The following RAPGEF2 variants were observed in gnomAD, a reference collection of about 807,000 sequenced individuals.
The protein encoded by RAPGEF2 is PDZ domain containing guanine nucleotide exchange factor (GEF) 1.
In RAPGEF2, 54 loss-of-function variants were observed where a neutral mutation model predicts 186.7. The ratio of observed to expected loss-of-function variants is 0.29; its 90% CI spans 0.23 to 0.36. The LOEUF (loss-of-function observed/expected upper bound fraction) is 0.36, where lower values mean the gene tolerates loss of function less well. RAPGEF2 is among the 10% of genes least tolerant of loss of function. The pLI, the probability that RAPGEF2 is intolerant of heterozygous loss-of-function variation, is 1.00. For synonymous variants in RAPGEF2, 712 were observed against 705.9 expected, an observed-to-expected ratio of 1.01 and a Z score of -0.14; for missense variants, 1,532 against 2,045.0, an observed-to-expected ratio of 0.75 and a Z score of 4.84.
chr4:159,294,695 C>CTTCT, intron 7 of RAPGEF2, among the ~76,000 whole-genome samples: 1 of 146,822 alleles, frequency 6.8e-6, no homozygotes, highest in East Asian at 2.0e-4. Context: ...TCCTTCTTTC[C>CTTCT]GTCCGTCTGT....
At position 159,353,554 on chromosome 4, in the gene RAPGEF2, A is replaced by G; in HGVS notation, c.4159A>G (p.Thr1387Ala). Reference protein sequence around the residue: ...ATATVISSPSTEELSQDQGDR... With the variant: ...ATATVISSPSAEELSQDQGDR... The stretch of plus-strand genomic sequence containing the variant: ...AGCTACAGTAATTTCTTCTCCAAGC[A>G]CAGAGGAACTTTCCCAGGATCAGGG... The change falls in exon 28 of 30, where the codon ACA (threonine) becomes GCA (alanine). Residue 1387 changes from threonine to alanine, a missense_variant. Thr to Ala is a moderately conservative substitution (Grantham distance 58). Coordinates refer to ENST00000691494, the MANE Select transcript of RAPGEF2 (RefSeq NM_001394067.2). This position sits in a 1 kb window ranked among gnomAD's most constrained non-coding sequence, Gnocchi z 4.3. 6.4e-7 allele frequency: 1 copy of G among 1,560,554 alleles called. No individual in the cohort carries two copies. Among genetic ancestry groups the G allele is most frequent in the Admixed American group, 2.0e-5 (1 of 50,342 alleles).
chr4:159,284,493 CACACACA>C (rs1760175223), intron 7 of RAPGEF2, among the ~76,000 whole-genome samples: 1 of 29,950 alleles, frequency 3.3e-5, no homozygotes, highest in African/African-American at 1.8e-4. Context: ...CACACACACA[CACACACA>C]CACACACACA....
intron 1 of RAPGEF2, among the ~76,000 whole-genome samples, chr4:159,124,097 T>C (rs1740021804): frequency 6.6e-6 from 1 of 151,864 alleles, no homozygotes; most frequent in Admixed American, 6.6e-5. Flanking sequence ...TCAGGTGATC[T>C]GCCTGCCTCC....
At chr4:159,214,605 A>T (rs1750832534) in intron 4 of RAPGEF2, among the ~76,000 whole-genome samples, 1 of 152,210 alleles carries the variant, frequency 6.6e-6, no homozygotes, top group South Asian at 2.1e-4. Flanking sequence ...GATGAAGCTT[A>T]TTTCCTAATA....
chr4:159,116,497 G>A (rs1739066665), intron 1 of RAPGEF2, among the ~76,000 whole-genome samples: 1 of 152,212 alleles, frequency 6.6e-6, no homozygotes. Context: ...GGAAGACGGT[G>A]TGGTGATTCC....
At chr4:159,333,430 A>G (rs1027324602) in intron 17 of RAPGEF2, among the ~76,000 whole-genome samples, 2 of 152,098 alleles carry the variant, frequency 1.3e-5, no homozygotes, top group Non-Finnish European at 2.9e-5. Context: ...TCCAGTTGCC[A>G]TTATTCATCC....
At chr4:159,335,314 C>T (rs1240535513) in intron 17 of RAPGEF2, among the ~76,000 whole-genome samples, 2 of 152,144 alleles carry the variant, frequency 1.3e-5, no homozygotes, top group Non-Finnish European at 2.9e-5. Flanking sequence ...AGTAAGTCAG[C>T]ACACTATAAA....
intron 28 of RAPGEF2, among the ~76,000 whole-genome samples, chr4:159,355,537 A>C (rs1731848857): frequency 6.6e-6 from 1 of 151,752 alleles, no homozygotes; most frequent in Non-Finnish European, 1.5e-5. Context: ...TCCAGGGGTT[A>C]GGTTTTAATC....
chr4:159,332,534 G>T lies in RAPGEF2; in HGVS notation c.1972G>T (p.Ala658Ser). 5 of 1,614,108 alleles carry T rather than the reference G, an allele frequency of 3.1e-6. No homozygotes were observed. The highest frequency in any genetic ancestry group is 4.2e-6 in the Non-Finnish European group (5 of 1,180,026). Residue 658 changes from alanine to serine, a missense_variant, in exon 17 of 30, where the codon GCC becomes TCC. Coordinates refer to ENST00000691494, the MANE Select transcript of RAPGEF2 (RefSeq NM_001394067.2). The stretch of plus-strand genomic sequence containing the variant: ...TCCTAAAATTGGTGACATTAAAAAG[G>T]CCAGTCGCTACTCCATTCCAGATCT... ...HLPKIGDIKK[A>S]SRYSIPDLAV...
At chr4:159,151,331 C>T (rs1743512682) in intron 1 of RAPGEF2, among the ~76,000 whole-genome samples, 1 of 152,148 alleles carries the variant, frequency 6.6e-6, no homozygotes, top group South Asian at 2.1e-4. Flanking sequence ...TGCAGGTCAG[C>T]TGAGTTGGTA....
chr4:159,226,678 C>T (rs1752066737), intron 4 of RAPGEF2, among the ~76,000 whole-genome samples: 1 of 152,174 alleles, frequency 6.6e-6, no homozygotes, highest in East Asian at 1.9e-4. Context: ...TTTTAGTGTA[C>T]AGATCATACA....
chr4:159,288,531 A>G lies in RAPGEF2; in HGVS notation c.544-15811A>G, dbSNP rs1028610816. On this transcript the variant is annotated intron_variant, in intron 7 of 29. Coordinates refer to ENST00000691494, the MANE Select transcript of RAPGEF2 (RefSeq NM_001394067.2). ...CTTCCATTCTAACCCCTTACAAGCC[A>G]TTTTCCCCACCCCCTGCCAGAATGA... Among the ~76,000 whole-genome samples the G allele has an allele frequency of 2.0e-4, 30 of 151,968 alleles. 1 individual carries two copies. The highest frequency in any genetic ancestry group is 1.8e-3 in the Admixed American group (28 of 15,262).
intron 23 of RAPGEF2, 133 bp from the exon 24 acceptor site, chr4:159,344,973 T>A (rs963041044): frequency 3.0e-6 from 2 of 675,196 alleles, no homozygotes; most frequent in Non-Finnish European, 5.1e-6. Context: ...TATTCCTGTG[T>A]AACAGTTTAC....
chr4:159,188,829 A>C (rs1747819329), intron 2 of RAPGEF2, among the ~76,000 whole-genome samples: 1 of 152,220 alleles, frequency 6.6e-6, no homozygotes, highest in Non-Finnish European at 1.5e-5. Context: ...TTTACACCTT[A>C]GAATGTCTAT....
chr4:159,149,342 C>CCTCTGCCTCTGGCTTCAAGCAATT (rs1743286937), intron 1 of RAPGEF2, among the ~76,000 whole-genome samples: 1 of 152,102 alleles, frequency 6.6e-6, no homozygotes, highest in Admixed American at 6.5e-5. Context: ...CTCATTGCAA[C>CCTCTGCCTCTGGCTTCAAGCAATT]CTCTGCCTCT....
At chr4:159,209,658 G>A (rs1002039943) in intron 3 of RAPGEF2, among the ~76,000 whole-genome samples, 1 of 152,168 alleles carries the variant, frequency 6.6e-6, no homozygotes, top group Non-Finnish European at 1.5e-5. Flanking sequence ...AACTATATTA[G>A]TAAGGTTGTG....
chr4:159,288,888 TGGATCCTTTGTA>T (rs1406361259), intron 7 of RAPGEF2, among the ~76,000 whole-genome samples: 3 of 152,172 alleles, frequency 2.0e-5, no homozygotes, highest in Non-Finnish European at 4.4e-5. Flanking sequence ...CATCTTTGGC[TGGATCCTTTGTA>T]TTTATTCACC....
intron 7 of RAPGEF2, among the ~76,000 whole-genome samples, chr4:159,260,931 G>A (rs764773131): frequency 6.6e-6 from 1 of 152,164 alleles, no homozygotes; most frequent in Non-Finnish European, 1.5e-5. Flanking sequence ...TGTATTTTTA[G>A]TAGAGACAGG....
intron 9 of RAPGEF2, among the ~76,000 whole-genome samples, chr4:159,318,864 G>T (rs1764911829): frequency 6.6e-6 from 1 of 151,844 alleles, no homozygotes; most frequent in African/African-American, 2.4e-5. Context: ...TAATTATTTG[G>T]GTTTTTTTAT....
Sources: gnomAD v4.1 joint callset for allele counts (sites outside exome capture counted in the v4.1 genomes callset) on GRCh38, gnomAD v4.1.1 for gene constraint, Gnocchi (gnomAD v3.1) non-coding constraint, MANE v1.5 for transcripts, NCBI Gene and HGNC (gene_info 2026-07-23, HGNC 2026-07-21) for gene names.